SPMIP4: variants seen among roughly 807,000 people sequenced by gnomAD.
The protein encoded by SPMIP4 is sperm microtubule inner protein 4.
the SPMIP4 span, among the ~76,000 whole-genome samples, chr7:25,157,497 C>A: frequency 5.3e-5 from 8 of 152,090 alleles, no homozygotes; most frequent in African/African-American, 1.7e-4. Flanking sequence ...ATAGATCATG[C>A]CAACGGCATG....
chr7:25,165,213 GT>G, the SPMIP4 span, among the ~76,000 whole-genome samples: 3 of 152,142 alleles, frequency 2.0e-5, no homozygotes, highest in Non-Finnish European at 4.4e-5. Flanking sequence ...CTGCCTTGAT[GT>G]GTCTTATATA....
chr7:25,178,339 G>C, the SPMIP4 span, among the ~76,000 whole-genome samples: 1 of 152,162 alleles, frequency 6.6e-6, no homozygotes, highest in Non-Finnish European at 1.5e-5. Context: ...GAACAACTTA[G>C]AATCCAATAA....
the SPMIP4 span, among the ~76,000 whole-genome samples, chr7:25,164,485 C>G: frequency 1.3e-5 from 2 of 152,164 alleles, no homozygotes; most frequent in African/African-American, 2.4e-5. Context: ...GCCTTACACA[C>G]AGGCAGAACC....
At chr7:25,136,170 A>C in the SPMIP4 span, 4 of 1,614,174 alleles carry the variant, frequency 2.5e-6, no homozygotes, top group Non-Finnish European at 3.4e-6. The surrounding 1 kb of genome is among the most constrained non-coding windows in gnomAD (Gnocchi z 5.7). Flanking sequence ...TCCAACCAAG[A>C]ACAGGTCTTG....
the SPMIP4 span, chr7:25,135,356 AC>A: frequency 1.0e-6 from 1 of 985,392 alleles, no homozygotes; most frequent in African/African-American, 1.7e-5. Flanking sequence ...TGTAATGTGT[AC>A]ATGCAGAGAG....
the SPMIP4 span, chr7:25,136,940 A>T: frequency 1.3e-6 from 1 of 791,938 alleles, no homozygotes. This position sits in a 1 kb window ranked among gnomAD's most constrained non-coding sequence, Gnocchi z 5.7. Flanking sequence ...ACTAATTTAA[A>T]GACATTGAAA....
At chr7:25,156,871 T>C in the SPMIP4 span, among the ~76,000 whole-genome samples, 2 of 152,118 alleles carry the variant, frequency 1.3e-5, no homozygotes. Context: ...GTATCTGTAG[T>C]AGAGATGGGG....
chr7:25,166,291 G>C, the SPMIP4 span, among the ~76,000 whole-genome samples: 1 of 136,738 alleles, frequency 7.3e-6, no homozygotes, highest in African/African-American at 2.7e-5. Flanking sequence ...GCAATGGTTA[G>C]TTTAAGAACA....
chr7:25,142,409 T>C, the SPMIP4 span: 1 of 1,093,800 alleles, frequency 9.1e-7, no homozygotes, highest in African/African-American at 1.6e-5. Context: ...ATAGGAAAAC[T>C]TACCCATTCC....
chr7:25,142,935 T>C, the SPMIP4 span: 1 of 652,198 alleles, frequency 1.5e-6, no homozygotes. Context: ...TGGTTTTTTT[T>C]TTGTCATTAA....
chr7:25,128,455 C>G, the SPMIP4 span, among the ~76,000 whole-genome samples: 1 of 152,218 alleles, frequency 6.6e-6, no homozygotes. This position sits in a 1 kb window ranked among gnomAD's most constrained non-coding sequence, Gnocchi z 4.5. Flanking sequence ...CCTCAAGCAT[C>G]AAAGTCCTTC....
the SPMIP4 span, among the ~76,000 whole-genome samples, chr7:25,143,276 C>G: frequency 6.6e-6 from 1 of 152,176 alleles, no homozygotes; most frequent in Non-Finnish European, 1.5e-5. Context: ...TTTCATTCTT[C>G]AGACGTAACT....
chr7:25,157,272 A>T, the SPMIP4 span, among the ~76,000 whole-genome samples: 1 of 152,248 alleles, frequency 6.6e-6, no homozygotes. Context: ...GAATCGATAC[A>T]TCTCCCATGT....
the SPMIP4 span, chr7:25,135,161 C>A: frequency 2.6e-6 from 1 of 386,998 alleles, no homozygotes; most frequent in Admixed American, 6.4e-5. Flanking sequence ...AGAGAACACA[C>A]TCCAGAAATG....
the SPMIP4 span, among the ~76,000 whole-genome samples, chr7:25,132,143 A>C: frequency 6.6e-6 from 1 of 152,164 alleles, no homozygotes; most frequent in Non-Finnish European, 1.5e-5. The surrounding 1 kb of genome is among the most constrained non-coding windows in gnomAD (Gnocchi z 5.0). Flanking sequence ...TATCCCGATC[A>C]TTGTCCCTCC....
the SPMIP4 span, among the ~76,000 whole-genome samples, chr7:25,166,614 C>T: frequency 3.9e-4 from 59 of 151,674 alleles, no homozygotes; most frequent in Middle Eastern, 3.4e-3. Flanking sequence ...TGGCCAGGCG[C>T]GGTGGCTCAT....
At chr7:25,139,031 G>A in the SPMIP4 span, among the ~76,000 whole-genome samples, 1 of 152,194 alleles carries the variant, frequency 6.6e-6, no homozygotes, top group Non-Finnish European at 1.5e-5. Context: ...GGGGTATGAG[G>A]AGGAAACTTT....
chr7:25,146,837 T>C, the SPMIP4 span, among the ~76,000 whole-genome samples: 203 of 94,366 alleles, frequency 2.2e-3, no homozygotes, highest in Non-Finnish European at 4.7e-3. Flanking sequence ...ACCTTTGTGA[T>C]TATATCTCAT....
the SPMIP4 span, chr7:25,125,896 A>T: frequency 2.1e-3 from 2,042 of 985,296 alleles, 33 homozygotes; most frequent in African/African-American, 0.033. Flanking sequence ...TTTCAGTCAC[A>T]TTCCAGCTCT....
Sources: allele counts gnomAD v4.1 joint callset (sites outside exome capture counted in the v4.1 genomes callset), GRCh38; gene constraint gnomAD v4.1.1; non-coding constraint Gnocchi (gnomAD v3.1); transcripts MANE v1.5; gene names NCBI Gene and HGNC (gene_info 2026-07-23, HGNC 2026-07-21).